Variants in DPH6 observed in about 807,000 individuals in gnomAD.
The protein encoded by DPH6 is diphthamine biosynthesis 6, also known as diphthine--ammonia ligase.
A neutral mutation model predicts 38.2 loss-of-function variants in DPH6; 33 were observed. The ratio of observed to expected loss-of-function variants is 0.86; its 90% CI spans 0.65 to 1.15. The LOEUF (loss-of-function observed/expected upper bound fraction) is 1.15. DPH6 is among the 50% of genes most tolerant of loss of function. DPH6 has a pLI of 0.00. For missense variants in DPH6, 325 were observed against 320.0 expected, an observed-to-expected ratio of 1.02 and a Z score of -0.12; for synonymous variants, 108 against 103.0, an observed-to-expected ratio of 1.05 and a Z score of -0.30.
intron 3 of DPH6, among the ~76,000 whole-genome samples, chr15:35,455,057 C>T (rs1442937839): frequency 6.6e-6 from 1 of 151,982 alleles, no homozygotes; most frequent in Non-Finnish European, 1.5e-5. Flanking sequence ...GATCCCTTTC[C>T]ATGGAGAAAG....
At chr15:35,460,038 C>T (rs1208037830) in intron 3 of DPH6, among the ~76,000 whole-genome samples, 1 of 152,162 alleles carries the variant, frequency 6.6e-6, no homozygotes, top group African/African-American at 2.4e-5. Context: ...CCAACCACAG[C>T]TGTGCTCTTT....
intron 3 of DPH6, among the ~76,000 whole-genome samples, chr15:35,235,710 T>C (rs1239380819): frequency 6.6e-6 from 1 of 152,220 alleles, no homozygotes; most frequent in Admixed American, 6.5e-5. Flanking sequence ...TTCCAGATTT[T>C]AGCTTTTGAA....
At chr15:35,196,998 G>C in the DPH6 span, among the ~76,000 whole-genome samples, 1 of 152,056 alleles carries the variant, frequency 6.6e-6, no homozygotes, top group Non-Finnish European at 1.5e-5. Context: ...TTACTACTGA[G>C]GGTTAAATTG....
At chr15:35,407,232 G>T (rs558549520) in intron 6 of DPH6, among the ~76,000 whole-genome samples, 1 of 148,414 alleles carries the variant, frequency 6.7e-6, no homozygotes, top group Non-Finnish European at 1.5e-5. Flanking sequence ...AATTTGTGGG[G>T]ATGGAAAAAG....
rs1034620916 is a variant in DPH6 at position 35,237,569 on chromosome 15, G to C, written n.201-16987C>G. 11 of 1,557,884 alleles carry C rather than the reference G, an allele frequency of 7.1e-6. No individual in the cohort carries two copies. In the African/African-American group the frequency reaches 1.5e-4, roughly 21 times the overall value. The stretch of plus-strand genomic sequence containing the variant: ...TAACAGAGTCTCGGGGGGCGTGGAA[G>C]CATTGGCAGAAAAGTGTCCGAACCT... On this transcript the variant is annotated intron_variant and non_coding_transcript_variant, in intron 3 of 3. Transcript: ENST00000560386.
At chr15:35,146,215 AAC>A in the DPH6 span, among the ~76,000 whole-genome samples, 1 of 152,126 alleles carries the variant, frequency 6.6e-6, no homozygotes, top group Non-Finnish European at 1.5e-5. Context: ...TGATAGATAA[AAC>A]AAAGTAAGCT....
At chr15:35,407,517 T>C (rs191969271) in intron 6 of DPH6, among the ~76,000 whole-genome samples, 6 of 152,134 alleles carry the variant, frequency 3.9e-5, no homozygotes, top group African/African-American at 7.2e-5. Flanking sequence ...GCAAGATTAT[T>C]GGAGCTTACA....
At chr15:35,527,833 G>A (rs184176847) in intron 3 of DPH6, among the ~76,000 whole-genome samples, 3 of 152,242 alleles carry the variant, frequency 2.0e-5, no homozygotes, top group African/African-American at 7.2e-5. Flanking sequence ...CTAGCAGAAC[G>A]ATGCTAAGCA....
the DPH6 span, among the ~76,000 whole-genome samples, chr15:35,172,932 G>T: frequency 2.7e-4 from 41 of 152,104 alleles, no homozygotes; most frequent in Non-Finnish European, 5.3e-4. Context: ...TGGGACTATA[G>T]GTGTTAGCCA....
At chr15:35,338,459 A>C (rs1016966814) in intron 3 of DPH6, among the ~76,000 whole-genome samples, 19 of 152,384 alleles carry the variant, frequency 1.2e-4, no homozygotes, top group African/African-American at 4.3e-4. Context: ...CATCAGAGTA[A>C]TACAAATCGA....
intron 3 of DPH6, among the ~76,000 whole-genome samples, chr15:35,498,545 C>T (rs370835204): frequency 1.3e-5 from 2 of 152,124 alleles, no homozygotes; most frequent in Non-Finnish European, 2.9e-5. Context: ...CACACACCTC[C>T]CCCACTTCCC....
intron 4 of DPH6, among the ~76,000 whole-genome samples, chr15:35,453,187 A>G (rs2053957778): frequency 6.6e-6 from 1 of 152,174 alleles, no homozygotes; most frequent in African/African-American, 2.4e-5. Context: ...GCTTTATAAT[A>G]TAACGTCTGT....
intron 3 of DPH6, among the ~76,000 whole-genome samples, chr15:35,239,859 T>C (rs1263249180): frequency 7.1e-6 from 1 of 140,974 alleles, no homozygotes; most frequent in Non-Finnish European, 1.5e-5. Flanking sequence ...CCCTTATTTC[T>C]GCACCCTGAC....
At chr15:35,263,115 T>C (rs2051759905) in intron 3 of DPH6, among the ~76,000 whole-genome samples, 1 of 152,154 alleles carries the variant, frequency 6.6e-6, no homozygotes, top group African/African-American at 2.4e-5. Context: ...TTTTAACTTA[T>C]TACTTCTGAT....
rs1442305778 is a variant in DPH6 at position 35,248,346 on chromosome 15, G to T, written n.201-27764C>A. ...TCCCCCACCTTTCTAAGAACTGGCC[G>T]TAAAGCAATTATTTGACCACTTTGT... On this transcript the variant is annotated intron_variant and non_coding_transcript_variant, in intron 3 of 3. Transcript: ENST00000560386. 2.6e-5 allele frequency among the ~76,000 whole-genome samples: 4 copies of T among 152,080 alleles called. No homozygotes were observed. The East Asian group carries it at 7.7e-4, about 29-fold the overall frequency.
intron 3 of DPH6, among the ~76,000 whole-genome samples, chr15:35,268,034 G>A (rs917608120): frequency 5.3e-5 from 8 of 152,046 alleles, no homozygotes; most frequent in Non-Finnish European, 1.2e-4. Flanking sequence ...GCCGGGCGTG[G>A]TGGCAGGCGC....
At chr15:35,537,137 T>C (rs748770904) in intron 3 of DPH6, among the ~76,000 whole-genome samples, 11 of 152,160 alleles carry the variant, frequency 7.2e-5, no homozygotes, top group Non-Finnish European at 1.6e-4. Flanking sequence ...ATTTTTCAAA[T>C]CAAAATCCTT....
chr15:35,163,002 A>T, the DPH6 span, among the ~76,000 whole-genome samples: 175 of 152,006 alleles, frequency 1.2e-3, no homozygotes, highest in Admixed American at 8.9e-3. Flanking sequence ...AAGCTTACAA[A>T]CATGCTTGCT....
chr15:35,363,441 ACT>A (rs1425828815), intron 3 of DPH6, among the ~76,000 whole-genome samples: 1 of 150,784 alleles, frequency 6.6e-6, no homozygotes, highest in African/African-American at 2.4e-5. Flanking sequence ...ATCTACATAA[ACT>A]CTCTTTTGCC....
Sources: gnomAD v4.1 joint callset for allele counts (sites outside exome capture counted in the v4.1 genomes callset) on GRCh38, gnomAD v4.1.1 for gene constraint, MANE v1.5 for transcripts, NCBI Gene and HGNC (gene_info 2026-07-23, HGNC 2026-07-21) for gene names.